The following TTC28 variants were observed in gnomAD, a reference collection of about 807,000 sequenced individuals.
The protein encoded by TTC28 is tetratricopeptide repeat protein 28.
In TTC28, 61 loss-of-function variants were observed where a neutral mutation model predicts 198.0. The observed-to-expected ratio is 0.31, with a 90% CI of 0.25 to 0.38. The LOEUF is 0.38. Among genes scored for constraint, TTC28 ranks in the 10% least tolerant of loss-of-function variants. The pLI, the probability that TTC28 is intolerant of heterozygous loss-of-function variation, is 1.00. For missense variants in TTC28, 2,678 were observed against 3,164.0 expected (o/e 0.85, Z 3.69); for synonymous variants, 1,171 against 1,297.8 (o/e 0.90, Z 2.10).
chr22:28,395,955 G>A (rs966296828), intron 2 of TTC28, among the ~76,000 whole-genome samples: 1 of 152,118 alleles, frequency 6.6e-6, no homozygotes, highest in Non-Finnish European at 1.5e-5. Flanking sequence ...GACTAATGCA[G>A]ACAAATAATA....
intron 2 of TTC28, among the ~76,000 whole-genome samples, chr22:28,561,235 G>A (rs542126655): frequency 5.3e-5 from 8 of 151,426 alleles, no homozygotes; most frequent in African/African-American, 1.9e-4. Flanking sequence ...CGCCACGCCC[G>A]GCCAATTTTT....
At chr22:28,209,707 G>A (rs1926740429) in intron 5 of TTC28, among the ~76,000 whole-genome samples, 1 of 152,206 alleles carries the variant, frequency 6.6e-6, no homozygotes, top group African/African-American at 2.4e-5. Context: ...TCCACCTCTG[G>A]GGAGCAGGGC....
intron 12 of TTC28, among the ~76,000 whole-genome samples, chr22:28,035,947 AAT>A (rs1939324162): frequency 6.6e-6 from 1 of 152,278 alleles, no homozygotes; most frequent in African/African-American, 2.4e-5. Context: ...GACTCTCCTA[AAT>A]ATATATGCAC....
At chr22:28,061,616 T>C (rs1940547383) in intron 12 of TTC28, among the ~76,000 whole-genome samples, 1 of 152,222 alleles carries the variant, frequency 6.6e-6, no homozygotes, top group African/African-American at 2.4e-5. Context: ...TTTTGGTTAT[T>C]GTAGCTTTGT....
intron 12 of TTC28, among the ~76,000 whole-genome samples, chr22:28,052,703 G>A (rs1302738254): frequency 6.6e-6 from 1 of 152,194 alleles, no homozygotes; most frequent in Non-Finnish European, 1.5e-5. Context: ...TGTCTCGAGT[G>A]TTTTATTTCC....
chr22:28,105,621 C>A lies in TTC28; in HGVS notation c.2965G>T (p.Asp989Tyr), dbSNP rs564721688. Residue 989 changes from aspartate to tyrosine, a missense_variant, in exon 8 of 23, where the codon GAT (aspartate) becomes TAT (tyrosine). Physicochemically the swap from Asp to Tyr is radical, Grantham distance 160. This residue lies in a region of TTC28 where 727 missense variants were observed against 861.9 expected (regional missense o/e 0.84). Transcript: ENST00000397906. ...CTCTCCAGGGCTCGGTCTTTCATATCTCTAGCAATGTTCAGCTGGCGTTCA... is the reference window on the plus strand; with the variant it reads ...CTCTCCAGGGCTCGGTCTTTCATATATCTAGCAATGTTCAGCTGGCGTTCA... ...CLERQLNIARDMKDRALESDA... is the reference protein window; with the variant it reads ...CLERQLNIARYMKDRALESDA... 1 of 1,551,984 alleles carries A rather than the reference C, an allele frequency of 6.4e-7. No homozygotes were observed. The highest frequency in any genetic ancestry group is 1.2e-5 in the South Asian group (1 of 84,058).
At chr22:28,635,191 G>A (rs1043052497) in intron 1 of TTC28, among the ~76,000 whole-genome samples, 2 of 151,816 alleles carry the variant, frequency 1.3e-5, no homozygotes, top group African/African-American at 2.4e-5. Flanking sequence ...CATGGTGGCG[G>A]GCACCTGTAG....
rs35984422 is a variant in TTC28 at position 28,468,690 on chromosome 22, A to ATTT, written c.381+160859_381+160861dup. 9.6e-3 allele frequency among the ~76,000 whole-genome samples: 1,177 copies of ATTT among 122,254 alleles called. 22 individuals carry two copies. Among genetic ancestry groups the ATTT allele is most frequent in the Non-Finnish European group, 0.014 (812 of 60,012 alleles). 80.2% of individuals were successfully genotyped at this position (122,254 alleles called of 152,430 possible). A position where few individuals can be genotyped will look rare whatever the true frequency, so the allele number is the denominator to read the frequency against. On this transcript the variant is annotated intron_variant, in intron 2 of 22. Transcript: ENST00000397906. ...AGGTGCCCGCCAACTCGCCCGGCTA[A>ATTT]TTTTTTTTTTTTTTTTTTTTGTATT...
chr22:28,676,326 T>G (rs1269608903), intron 1 of TTC28, among the ~76,000 whole-genome samples: 1 of 152,158 alleles, frequency 6.6e-6, no homozygotes, highest in African/African-American at 2.4e-5. Context: ...AGACAGAAAG[T>G]AGGCTAGTTA....
intron 5 of TTC28, among the ~76,000 whole-genome samples, chr22:28,278,419 T>G (rs950157777): frequency 2.0e-5 from 3 of 152,212 alleles, no homozygotes; most frequent in Admixed American, 6.5e-5. Flanking sequence ...AAATACTTAA[T>G]TAATTTAGGA....
chr22:28,459,224 C>T (rs1451008170), intron 2 of TTC28, among the ~76,000 whole-genome samples: 1 of 151,976 alleles, frequency 6.6e-6, no homozygotes, highest in African/African-American at 2.4e-5. Context: ...CTCAGGAGTT[C>T]GAGACCAGCC....
chr22:28,547,101 CATTGAGCATTGAACTAT>C (rs2049559932), intron 2 of TTC28, among the ~76,000 whole-genome samples: 1 of 152,096 alleles, frequency 6.6e-6, no homozygotes, highest in African/African-American at 2.4e-5. Flanking sequence ...TTGTTAGGTT[CATTGAGCATTGAACTAT>C]ATATTTTAAA....
intron 1 of TTC28, among the ~76,000 whole-genome samples, chr22:28,642,298 A>G (rs1233592374): frequency 6.6e-6 from 1 of 152,084 alleles, no homozygotes; most frequent in Non-Finnish European, 1.5e-5. Flanking sequence ...GAAAATAGGA[A>G]AAGTTTTGTG....
At chr22:28,512,910 T>G (rs1310518069) in intron 2 of TTC28, among the ~76,000 whole-genome samples, 1 of 151,608 alleles carries the variant, frequency 6.6e-6, no homozygotes, top group Non-Finnish European at 1.5e-5. Context: ...CGTGTACCCC[T>G]GAACTTCAAA....
At chr22:28,308,059 A>T (rs1044009022) in intron 2 of TTC28, among the ~76,000 whole-genome samples, 77 of 152,330 alleles carry the variant, frequency 5.1e-4, no homozygotes, top group Admixed American at 2.0e-3. Context: ...ATCCATAAAC[A>T]GAATGAATAC....
At chr22:28,172,513 C>T (rs956969583) in intron 5 of TTC28, among the ~76,000 whole-genome samples, 2 of 152,206 alleles carry the variant, frequency 1.3e-5, no homozygotes, top group African/African-American at 4.8e-5. Context: ...ATAGCCCTGG[C>T]ATCTTCTGCT....
intron 2 of TTC28, among the ~76,000 whole-genome samples, chr22:28,449,860 G>A (rs2047754605): frequency 6.6e-6 from 1 of 152,128 alleles, no homozygotes; most frequent in African/African-American, 2.4e-5. Context: ...CATTTCACAA[G>A]TCAAACAGGT....
intron 9 of TTC28, among the ~76,000 whole-genome samples, chr22:28,100,863 A>C (rs1942123671): frequency 6.6e-6 from 1 of 152,218 alleles, no homozygotes; most frequent in Non-Finnish European, 1.5e-5. Flanking sequence ...AGAAACATGA[A>C]ATTTAATTAT....
Position 28,163,188 on chromosome 22 carries a change from C to A in TTC28, c.1345G>T (p.Asp449Tyr). The change falls in exon 6 of 23, where the codon GAT becomes TAT. Residue 449 changes from aspartate (D) to tyrosine (Y), a missense_variant. Around this residue, in one of 8 missense-constraint regions of TTC28, gnomAD observed 775 missense variants for 845.9 expected, o/e 0.92. Coordinates refer to ENST00000397906, the MANE Select transcript of TTC28 (RefSeq NM_001145418.2). ...GLGHAARCMQ[D>Y]LERAKQYHEQ... is the part of the protein sequence containing the mutation. ...TGGTATTGTTTAGCTCTCTCCAAAT[C>A]CTGCATGCACCTGGCAGCATGGCCT... 2 of 1,551,746 alleles carry A rather than the reference C, an allele frequency of 1.3e-6. No individual in the cohort carries two copies. Among genetic ancestry groups the A allele is most frequent in the Non-Finnish European group, 8.7e-7 (1 of 1,147,018 alleles).
Sources: allele counts gnomAD v4.1 joint callset (sites outside exome capture counted in the v4.1 genomes callset), GRCh38; gene constraint gnomAD v4.1.1; regional missense constraint gnomAD v4.1.1; transcripts MANE v1.5; gene names NCBI Gene and HGNC (gene_info 2026-07-23, HGNC 2026-07-21).